Variants in ZFP1 observed in about 807,000 individuals in gnomAD.
The protein encoded by ZFP1 is ZFP1 zinc finger protein.
In ZFP1, 32 loss-of-function variants were observed where a neutral mutation model predicts 38.5. The observed-to-expected ratio is 0.83, with a 90% CI of 0.63 to 1.12. ZFP1 has a LOEUF of 1.12. ZFP1 is among the 50% of genes most tolerant of loss of function. The pLI, the probability that ZFP1 is intolerant of heterozygous loss-of-function variation, is 0.00. For missense variants in ZFP1, 616 were observed against 480.8 expected, an observed-to-expected ratio of 1.28 and a Z score of -2.63; for synonymous variants, 245 against 168.8, an observed-to-expected ratio of 1.45 and a Z score of -3.50.
chr16:75,161,774 A>ATTTTTTTT (rs200925992), intron 2 of ZFP1, among the ~76,000 whole-genome samples: 6 of 7,820 alleles, frequency 7.7e-4, no homozygotes, highest in East Asian at 1.7e-3. Context: ...ATATATATAT[A>ATTTTTTTT]TTTTTTTTTT....
chr16:75,125,543 T>C, the ZFP1 span, among the ~76,000 whole-genome samples: 3 of 152,126 alleles, frequency 2.0e-5, no homozygotes, highest in African/African-American at 7.2e-5. Flanking sequence ...AGACTGGTCT[T>C]GAACACCTGA....
chr16:75,126,831 T>C, the ZFP1 span, among the ~76,000 whole-genome samples: 47,842 of 152,144 alleles, frequency 0.31, 7,701 homozygotes, highest in Non-Finnish European at 0.34. Flanking sequence ...CTAACTAGTC[T>C]TTTAAAATGT....
upstream of ZFP1, among the ~76,000 whole-genome samples, chr16:75,147,742 T>A (rs140564045): frequency 6.6e-6 from 1 of 152,250 alleles, no homozygotes; most frequent in East Asian, 1.9e-4. Flanking sequence ...AACCTAAAAC[T>A]GTTCTAAAGG....
At chr16:75,161,772 A>ATTTTTTTTTTTT (rs1344293752) in intron 2 of ZFP1, among the ~76,000 whole-genome samples, 1 of 7,246 alleles carries the variant, frequency 1.4e-4, no homozygotes, top group African/African-American at 3.7e-4. Context: ...ATATATATAT[A>ATTTTTTTTTTTT]TATTTTTTTT....
At chr16:75,143,387 G>T in the ZFP1 span, among the ~76,000 whole-genome samples, 4 of 152,022 alleles carry the variant, frequency 2.6e-5, no homozygotes, top group Non-Finnish European at 1.5e-5. Context: ...GACTCCAGGT[G>T]CATGCCACCA....
At chr16:75,163,629 T>C (rs2037905482) in intron 2 of ZFP1, among the ~76,000 whole-genome samples, 1 of 151,386 alleles carries the variant, frequency 6.6e-6, no homozygotes, top group Non-Finnish European at 1.5e-5. Context: ...TTGTTGTTGT[T>C]GAGACAGGGT....
intron 2 of ZFP1, among the ~76,000 whole-genome samples, chr16:75,158,256 G>T (rs560931589): frequency 6.6e-6 from 1 of 151,634 alleles, no homozygotes; most frequent in East Asian, 1.9e-4. Context: ...GTCTTCCTCT[G>T]TTGCCCAGGG....
chr16:75,150,468 C>G (rs1358216062), intron 1 of ZFP1, among the ~76,000 whole-genome samples: 1 of 152,170 alleles, frequency 6.6e-6, no homozygotes, highest in African/African-American at 2.4e-5. Context: ...ATCCACCTGC[C>G]TCGGCCTTGC....
intron 2 of ZFP1, among the ~76,000 whole-genome samples, chr16:75,156,360 G>A (rs2037470358): frequency 1.3e-5 from 2 of 152,176 alleles, no homozygotes; most frequent in South Asian, 4.1e-4. Flanking sequence ...CGGAGGCTAA[G>A]GCAGGAGAAT....
At chr16:75,164,216 TGTA>T (rs1367432209) in intron 2 of ZFP1, among the ~76,000 whole-genome samples, 7 of 152,226 alleles carry the variant, frequency 4.6e-5, no homozygotes, top group African/African-American at 1.7e-4. Context: ...AAAAATTATA[TGTA>T]GGTTTTTAAA....
the ZFP1 span, among the ~76,000 whole-genome samples, chr16:75,134,504 C>G: frequency 6.6e-6 from 1 of 151,988 alleles, no homozygotes; most frequent in Non-Finnish European, 1.5e-5. Context: ...CACCTGTAAT[C>G]CCGGCACTTT....
In ZFP1 at chr16:75,171,870, G is replaced by C. The variant is rs1011113558; in HGVS notation, c.*1536G>C. The C allele has an allele frequency of 6.6e-5, 10 of 152,294 alleles. No homozygotes were observed. The South Asian group carries it at 2.1e-3, about 32-fold the overall frequency. The allele number at this position is 152,294 out of a possible 1,614,324, so 9.4% of individuals were successfully genotyped here. The stretch of plus-strand genomic sequence containing the variant: ...ATAGCTGCTTTTAGAAATGTAAATT[G>C]TAACAGCCTCCTTGGACAACATTGT... On this transcript the variant is annotated 3_prime_UTR_variant, in exon 4 of 4. Transcript: ENST00000570010.
chr16:75,165,714 G>T (rs181109003), intron 2 of ZFP1, among the ~76,000 whole-genome samples: 16 of 151,890 alleles, frequency 1.1e-4, no homozygotes, highest in Middle Eastern at 3.4e-3. Flanking sequence ...GTTATATGCT[G>T]AGTATTTTTT....
chr16:75,139,368 CAAAAAAAAAAAAAAA>C, the ZFP1 span, among the ~76,000 whole-genome samples: 2 of 42,774 alleles, frequency 4.7e-5, no homozygotes, highest in South Asian at 1.8e-3. Context: ...GACTCCATCT[CAAAAAAAAAAAAAAA>C]AAAAAAAAAA....
At chr16:75,121,760 A>G in the ZFP1 span, among the ~76,000 whole-genome samples, 2 of 152,350 alleles carry the variant, frequency 1.3e-5, no homozygotes, top group Middle Eastern at 3.4e-3. Flanking sequence ...GCTCGAATGA[A>G]ATGCTTTATC....
the ZFP1 span, among the ~76,000 whole-genome samples, chr16:75,125,664 G>A: frequency 1.3e-5 from 2 of 152,054 alleles, no homozygotes; most frequent in African/African-American, 4.8e-5. Context: ...TTTATAAATT[G>A]TTTATAAAAT....
intron 2 of ZFP1, among the ~76,000 whole-genome samples, chr16:75,153,707 A>G (rs537939256): frequency 6.6e-6 from 1 of 152,278 alleles, no homozygotes; most frequent in African/African-American, 2.4e-5. Context: ...TGATACTTTA[A>G]AGACCATAGT....
chr16:75,148,539 C>G lies in ZFP1; in HGVS notation c.-148C>G, dbSNP rs988193852. On this transcript the variant is annotated 5_prime_UTR_variant, in exon 1 of 4. Transcript: ENST00000570010. ...GCCGGTGGCCGCCCTTCCCCCACCA[C>G]CAGCGGCGAGTGGGTGACAGAGCCC... 6.6e-6 allele frequency: 1 copy of G among 152,290 alleles called. No individual in the cohort carries two copies. The highest frequency in any genetic ancestry group is 1.5e-5 in the Non-Finnish European group (1 of 68,108). The allele number at this position is 152,290 out of a possible 1,614,324, so 9.4% of individuals were successfully genotyped here. A position where few individuals can be genotyped will look rare whatever the true frequency, so the allele number is the denominator to read the frequency against.
In ZFP1 at chr16:75,171,835, C is replaced by T. The variant is rs1036351183; in HGVS notation, c.*1501C>T. The T allele has an allele frequency of 3.3e-5, 5 of 152,128 alleles. No individual in the cohort carries two copies. The highest frequency in any genetic ancestry group is 7.4e-5 in the Non-Finnish European group (5 of 68,020). 9.4% of individuals were successfully genotyped at this position (152,128 alleles called of 1,614,324 possible). A position where few individuals can be genotyped will look rare whatever the true frequency, so the allele number is the denominator to read the frequency against. On this transcript the variant is annotated 3_prime_UTR_variant, in exon 4 of 4. Coordinates refer to ENST00000570010, the MANE Select transcript of ZFP1 (RefSeq NM_153688.4). ...TACTTACTCACAAAGGAGGGGAAAA[C>T]GTTATTTTCATAGCTGCTTTTAGAA...
Sources: allele counts gnomAD v4.1 joint callset (sites outside exome capture counted in the v4.1 genomes callset), GRCh38; gene constraint gnomAD v4.1.1; transcripts MANE v1.5; gene names NCBI Gene and HGNC (gene_info 2026-07-23, HGNC 2026-07-21).